Variants in KLHL29 observed in about 807,000 individuals in gnomAD.
KLHL29 encodes kelch like family member 29.
Under a neutral mutation model 80.4 loss-of-function variants are expected in KLHL29, and 21 were observed. That is an observed-to-expected ratio of 0.26 (90% CI 0.19 to 0.38). The LOEUF (loss-of-function observed/expected upper bound fraction) is 0.38. Among genes scored for constraint, KLHL29 ranks in the 10% least tolerant of loss-of-function variants. The pLI is 1.00. For synonymous variants in KLHL29, 511 were observed against 526.8 expected (o/e 0.97, Z 0.41); for missense variants, 867 against 1,223.9 (o/e 0.71, Z 4.35).
chr2:23,439,314 G>T (rs1228027116), intron 1 of KLHL29, among the ~76,000 whole-genome samples: 1 of 152,008 alleles, frequency 6.6e-6, no homozygotes, highest in Non-Finnish European at 1.5e-5. Flanking sequence ...ATTTCCTTCA[G>T]TTCTGCTCTG....
At chr2:23,661,196 G>T (rs1670397026) in intron 5 of KLHL29, among the ~76,000 whole-genome samples, 1 of 152,152 alleles carries the variant, frequency 6.6e-6, no homozygotes, top group African/African-American at 2.4e-5. Context: ...TAAACATTTA[G>T]CTGGGTATGG....
chr2:23,656,543 C>A (rs1330583610), intron 5 of KLHL29, among the ~76,000 whole-genome samples: 1 of 152,198 alleles, frequency 6.6e-6, no homozygotes, highest in African/African-American at 2.4e-5. Context: ...TCTGCAAGGC[C>A]CCTTAGGGCA....
chr2:23,490,602 A>G (rs528915556), intron 2 of KLHL29, among the ~76,000 whole-genome samples: 1 of 152,260 alleles, frequency 6.6e-6, no homozygotes, highest in East Asian at 1.9e-4. Context: ...ACCATGGGGG[A>G]AAAAACCCAC....
intron 13 of KLHL29, 137 bp from the exon 14 acceptor site, chr2:23,706,344 A>G (rs1165232006): frequency 3.2e-6 from 2 of 617,960 alleles, no homozygotes; most frequent in Non-Finnish European, 2.5e-6. Context: ...GTTAGAGGGC[A>G]AAGAAGGGCA....
chr2:23,510,778 T>C (rs1015692166), intron 2 of KLHL29, among the ~76,000 whole-genome samples: 1 of 152,124 alleles, frequency 6.6e-6, no homozygotes, highest in Non-Finnish European at 1.5e-5. Context: ...TGGGCAGGTG[T>C]AGGGCTGAGA....
chr2:23,557,430 G>A (rs994031561), intron 2 of KLHL29, among the ~76,000 whole-genome samples: 1 of 152,144 alleles, frequency 6.6e-6, no homozygotes, highest in African/African-American at 2.4e-5. Flanking sequence ...TTTGTTTTGA[G>A]TACACGTAAT....
At chr2:23,542,151 C>G (rs1316763249) in intron 2 of KLHL29, among the ~76,000 whole-genome samples, 1 of 152,206 alleles carries the variant, frequency 6.6e-6, no homozygotes, top group Non-Finnish European at 1.5e-5. Context: ...CCTTTGATCT[C>G]TTGTCTAAAA....
intron 2 of KLHL29, among the ~76,000 whole-genome samples, chr2:23,542,853 C>T (rs753076635): frequency 6.6e-6 from 1 of 152,242 alleles, no homozygotes; most frequent in Admixed American, 6.5e-5. Context: ...AGTTACCACT[C>T]AGGCAGCTCC....
intron 5 of KLHL29, among the ~76,000 whole-genome samples, chr2:23,678,327 C>T (rs530242439): frequency 5.9e-5 from 9 of 152,240 alleles, no homozygotes; most frequent in Non-Finnish European, 1.3e-4. Context: ...TGAGACGGGT[C>T]GTTAGAGGGG....
chr2:23,586,089 C>T (rs1047202783), intron 3 of KLHL29, among the ~76,000 whole-genome samples: 1 of 152,116 alleles, frequency 6.6e-6, no homozygotes, highest in Non-Finnish European at 1.5e-5. Context: ...CACCTCTCAG[C>T]CCTGTGTCAG....
chr2:23,645,446 G>A (rs1171197558), intron 5 of KLHL29, among the ~76,000 whole-genome samples: 1 of 151,884 alleles, frequency 6.6e-6, no homozygotes, highest in Non-Finnish European at 1.5e-5. Flanking sequence ...ACACAAGTCA[G>A]AACTCCACTT....
chr2:23,429,769 AAAG>A (rs1489667457), intron 1 of KLHL29, among the ~76,000 whole-genome samples: 3 of 152,100 alleles, frequency 2.0e-5, no homozygotes, highest in Non-Finnish European at 4.4e-5. Flanking sequence ...AAAAAAGAAA[AAAG>A]AAAAAAAAAA....
intron 1 of KLHL29, among the ~76,000 whole-genome samples, chr2:23,452,690 T>C (rs113657981): frequency 6.6e-5 from 10 of 152,306 alleles, no homozygotes; most frequent in African/African-American, 2.2e-4. Flanking sequence ...AAGTATCTCT[T>C]ATATACTGAT....
At chr2:23,525,799 G>A (rs1314976998) in intron 2 of KLHL29, among the ~76,000 whole-genome samples, 4 of 149,172 alleles carry the variant, frequency 2.7e-5, no homozygotes, top group Admixed American at 6.9e-5. Context: ...TATCAGGTGC[G>A]CAGGACGCCC....
intron 1 of KLHL29, among the ~76,000 whole-genome samples, chr2:23,413,014 C>T (rs1336061149): frequency 6.6e-6 from 1 of 152,148 alleles, no homozygotes; most frequent in Non-Finnish European, 1.5e-5. Context: ...TTGAAGATTA[C>T]TTGGTTCTTT....
rs191139006 is a variant in KLHL29, at chr2:23,499,775, G to A, written c.-46+24108G>A. 7.5e-4 allele frequency among the ~76,000 whole-genome samples: 114 copies of A among 152,314 alleles called. 1 individual carries two copies. Among genetic ancestry groups the A allele is most frequent in the African/African-American group, 2.6e-3 (110 of 41,572 alleles). ...TCAGGAGATGAGGGAGGAGTGGGGC[G>A]GAACAGCGCAGCTGCTGTGTTTATG... On this transcript the variant is annotated intron_variant, in intron 2 of 13. Transcript: ENST00000486442.
intron 3 of KLHL29, among the ~76,000 whole-genome samples, chr2:23,612,551 G>A (rs1033623466): frequency 2.6e-5 from 4 of 152,138 alleles, no homozygotes; most frequent in Admixed American, 1.3e-4. Flanking sequence ...AGACCAGCCT[G>A]GCCAACATGG....
rs546610574 is a variant in KLHL29 at position 23,399,703 on chromosome 2, C to T, written c.-154+13923C>T. 3.3e-5 allele frequency among the ~76,000 whole-genome samples: 5 copies of T among 152,268 alleles called. 1 individual carries two copies. In the South Asian group the frequency reaches 6.2e-4, roughly 19 times the overall value. On this transcript the variant is annotated intron_variant, in intron 1 of 13. Transcript: ENST00000486442. ...GATGAACCTGTGTAACTTTCATCAC[C>T]CCAGAAAGTTCCCTCCTGCCCTCTT... is the stretch of plus-strand genomic sequence containing the variant.
intron 3 of KLHL29, among the ~76,000 whole-genome samples, chr2:23,635,531 G>A (rs926525537): frequency 6.6e-6 from 1 of 152,210 alleles, no homozygotes; most frequent in African/African-American, 2.4e-5. Flanking sequence ...AGAGGCCCTC[G>A]GTCTTTAGTG....
Sources: allele counts gnomAD v4.1 joint callset (sites outside exome capture counted in the v4.1 genomes callset), GRCh38; gene constraint gnomAD v4.1.1; transcripts MANE v1.5; gene names NCBI Gene and HGNC (gene_info 2026-07-23, HGNC 2026-07-21).